Variants in ZNF226 observed in about 807,000 individuals in gnomAD.
ZNF226 encodes Kruppel-associated box protein.
A neutral mutation model predicts 11.4 loss-of-function variants in ZNF226; 6 were observed. The observed-to-expected ratio is 0.53, with a 90% CI of 0.29 to 1.04. The LOEUF (loss-of-function observed/expected upper bound fraction) is 1.04, where lower values mean the gene tolerates loss of function less well. Ranked by LOEUF, ZNF226 falls within the 50% of genes least tolerant of loss-of-function variation. ZNF226 has a pLI of 0.08. For synonymous variants in ZNF226, 350 were observed against 322.8 expected (o/e 1.08, Z -0.90); for missense variants, 1,058 against 956.5 (o/e 1.11, Z -1.40).
At chr19:44,185,792 A>C in the ZNF226 span, among the ~76,000 whole-genome samples, 1 of 151,904 alleles carries the variant, frequency 6.6e-6, no homozygotes, top group Non-Finnish European at 1.5e-5. Flanking sequence ...TTTTCTTTCC[A>C]TTATCTGTGC....
chr19:44,183,190 T>C (rs1043396791), downstream of ZNF226, among the ~76,000 whole-genome samples: 7 of 152,194 alleles, frequency 4.6e-5, no homozygotes, highest in Non-Finnish European at 1.0e-4. Context: ...TAGAGCTGAA[T>C]TGACATTAAC....
chr19:44,181,288 G>A (rs1027915473), downstream of ZNF226, among the ~76,000 whole-genome samples: 6 of 152,156 alleles, frequency 3.9e-5, no homozygotes, highest in African/African-American at 1.4e-4. Context: ...AAGCTGAGAT[G>A]GAGGGATCAC....
intron 2 of ZNF226, among the ~76,000 whole-genome samples, chr19:44,166,460 G>A (rs1032871338): frequency 4.6e-5 from 7 of 152,056 alleles, no homozygotes; most frequent in African/African-American, 1.7e-4. Context: ...AGATCACACC[G>A]GTGCACTCCA....
chr19:44,187,301 T>C, the ZNF226 span, among the ~76,000 whole-genome samples: 2 of 152,004 alleles, frequency 1.3e-5, no homozygotes, highest in Non-Finnish European at 2.9e-5. The surrounding 1 kb of genome is among the most constrained non-coding windows in gnomAD (Gnocchi z 4.0). Flanking sequence ...TCACTAGTTA[T>C]ACACCTGTTC....
At chr19:44,173,023 C>T (rs1193295546) in intron 5 of ZNF226, 71 bp downstream of exon 5, 3 of 1,416,478 alleles carry the variant, frequency 2.1e-6, no homozygotes, top group Non-Finnish European at 2.9e-6. Context: ...AGCCTTGTTG[C>T]CATCACCTGG....
rs1285352463 is a variant in ZNF226 at position 44,177,248 on chromosome 19, A to G, written c.1986A>G (p.Gln662=). Residue 662 remains glutamine, a synonymous_variant, in exon 6 of 6, where the codon CAA becomes CAG. Coordinates refer to ENST00000337433, the MANE Select transcript of ZNF226 (RefSeq NM_001032373.2). The part of the protein sequence containing the change: ...FGRSAHLQAH[Q]KVHTGDKPYK... ...GGAGTGCACATCTTCAAGCCCATCA[A>G]AAAGTCCACACTGGAGATAAGCCAT... The G allele has an allele frequency of 6.2e-7, 1 of 1,613,176 alleles. No individual in the cohort carries two copies. Among genetic ancestry groups the G allele is most frequent in the Non-Finnish European group, 8.5e-7 (1 of 1,179,750 alleles).
At chr19:44,188,256 C>G in the ZNF226 span, among the ~76,000 whole-genome samples, 12 of 152,046 alleles carry the variant, frequency 7.9e-5, no homozygotes, top group Non-Finnish European at 2.9e-5. Context: ...GCTGTTTATT[C>G]CCCATTCAGT....
chr19:44,191,807 A>G, the ZNF226 span, among the ~76,000 whole-genome samples: 21 of 152,200 alleles, frequency 1.4e-4, no homozygotes, highest in Non-Finnish European at 1.2e-4. Context: ...CTAAGTAATG[A>G]AAAACCTAAT....
At chr19:44,189,879 A>T in the ZNF226 span, among the ~76,000 whole-genome samples, 1 of 152,182 alleles carries the variant, frequency 6.6e-6, no homozygotes, top group African/African-American at 2.4e-5. Context: ...TTTCTGCATG[A>T]CCCACAAATC....
Position 44,177,649 on chromosome 19 carries a change from C to G in ZNF226, c.2387C>G (p.Thr796Arg). 6.3e-7 allele frequency: 1 copy of G among 1,585,844 alleles called. No individual in the cohort carries two copies. Among genetic ancestry groups the G allele is most frequent in the Non-Finnish European group, 8.6e-7 (1 of 1,168,424 alleles). The change falls in exon 6 of 6, where the codon ACA becomes AGA. Residue 796 changes from threonine to arginine, a missense_variant. Thr to Arg is a moderately conservative substitution (Grantham distance 71). Coordinates refer to ENST00000337433, the MANE Select transcript of ZNF226 (RefSeq NM_001032373.2). ...NRGGKNIRES[T>R]QEKKSIK is the part of the protein sequence containing the mutation. ...GGTGGTAAGAACATCAGAGAATCCA[C>G]ACAGGAAAAAAAATCTATAAAATGA... is the stretch of plus-strand genomic sequence containing the variant.
chr19:44,172,052 T>C (rs775778391), intron 3 of ZNF226, 36 bp from the exon 4 acceptor site: 75 of 1,599,952 alleles, frequency 4.7e-5, no homozygotes, highest in Non-Finnish European at 5.9e-5. Context: ...TAGTGGACAT[T>C]GGTTGTAAGA....
At chr19:44,192,622 A>G in the ZNF226 span, among the ~76,000 whole-genome samples, 2 of 152,226 alleles carry the variant, frequency 1.3e-5, no homozygotes, top group African/African-American at 4.8e-5. Context: ...GAACTGAGAT[A>G]TGAATTTGAA....
chr19:44,180,389 C>T (rs185718918), downstream of ZNF226, among the ~76,000 whole-genome samples: 12 of 152,234 alleles, frequency 7.9e-5, no homozygotes, highest in East Asian at 2.3e-3. Flanking sequence ...ATTACAATTC[C>T]TGTTGTTCCT....
Position 44,176,775 on chromosome 19 carries a change from T to G in ZNF226, c.1513T>G (p.Cys505Gly), listed in dbSNP as rs749664996. The G allele has an allele frequency of 6.2e-7, 1 of 1,613,998 alleles. No homozygotes were observed. Among genetic ancestry groups the G allele is most frequent in the Non-Finnish European group, 8.5e-7 (1 of 1,179,996 alleles). Residue 505 changes from cysteine to glycine, a missense_variant, in exon 6 of 6, where the codon TGC becomes GGC. Coordinates refer to ENST00000337433, the MANE Select transcript of ZNF226 (RefSeq NM_001032373.2). ...CCACACTGGAGAGAAGCCATACAAA[T>G]GCAATGAGTGTGGGAAGAGCTTCAG... Reference protein sequence around the residue: ...RVHTGEKPYKCNECGKSFRRN... With the variant: ...RVHTGEKPYKGNECGKSFRRN...
rs371858863 is a variant in ZNF226 at position 44,177,282 on chromosome 19, G to A, written c.2020G>A (p.Asp674Asn). Reference sequence around the variant, plus strand: ...CACTGGAGATAAGCCATACAAATGTGATGAGTGTGGGAAGGGCTTCAAGTG... The same window carrying A: ...CACTGGAGATAAGCCATACAAATGTAATGAGTGTGGGAAGGGCTTCAAGTG... ...VHTGDKPYKC[D>N]ECGKGFKWSL... Residue 674 changes from aspartate to asparagine, a missense_variant, in exon 6 of 6, where the codon GAT (aspartate) becomes AAT (asparagine). Coordinates refer to ENST00000337433, the MANE Select transcript of ZNF226 (RefSeq NM_001032373.2). The A allele has an allele frequency of 1.9e-6, 3 of 1,614,130 alleles. No individual in the cohort carries two copies. The highest frequency in any genetic ancestry group is 2.5e-6 in the Non-Finnish European group (3 of 1,180,014).
chr19:44,170,934 G>T (rs1175502199), intron 3 of ZNF226, among the ~76,000 whole-genome samples: 2 of 150,068 alleles, frequency 1.3e-5, no homozygotes, highest in African/African-American at 4.9e-5. Flanking sequence ...AAAATTAATA[G>T]AAATGAAAAA....
chr19:44,191,753 C>T, the ZNF226 span, among the ~76,000 whole-genome samples: 1 of 151,488 alleles, frequency 6.6e-6, no homozygotes, highest in East Asian at 1.9e-4. Flanking sequence ...AAATACAGAA[C>T]ATTACATGGA....
chr19:44,171,612 C>A (rs1027034579), intron 3 of ZNF226, among the ~76,000 whole-genome samples: 1 of 152,096 alleles, frequency 6.6e-6, no homozygotes, highest in Non-Finnish European at 1.5e-5. Flanking sequence ...TGCTCAAGTT[C>A]ACATGGAAAA....
downstream of ZNF226, among the ~76,000 whole-genome samples, chr19:44,180,058 G>T (rs1414829078): frequency 1.5e-5 from 2 of 135,536 alleles, no homozygotes; most frequent in Admixed American, 8.0e-5. Context: ...CTGCACTCTA[G>T]CCTGGGTGAC....
Sources: gnomAD v4.1 joint callset for allele counts (sites outside exome capture counted in the v4.1 genomes callset) on GRCh38, gnomAD v4.1.1 for gene constraint, Gnocchi (gnomAD v3.1) non-coding constraint, MANE v1.5 for transcripts, NCBI Gene and HGNC (gene_info 2026-07-23, HGNC 2026-07-21) for gene names.